The following IFT122 variants were observed in gnomAD, a reference collection of about 807,000 sequenced individuals.
IFT122 encodes the protein intraflagellar transport 122.
A neutral mutation model predicts 161.6 loss-of-function variants in IFT122; 118 were observed. That is an observed-to-expected ratio of 0.73 (90% CI 0.63 to 0.85). The LOEUF is 0.85. Ranked by LOEUF, IFT122 falls within the 40% of genes least tolerant of loss-of-function variation. The pLI is 0.00. For missense variants in IFT122, 1,381 were observed against 1,579.6 expected (o/e 0.87, Z 2.13); for synonymous variants, 550 against 602.4 (o/e 0.91, Z 1.27).
At position 129,512,448 on chromosome 3, in the gene IFT122, C is replaced by T. The variant is rs374500310; in HGVS notation, c.2987+36C>T. 43 of 1,403,370 alleles carry T rather than the reference C, an allele frequency of 3.1e-5. No homozygotes were observed. In the South Asian group the frequency reaches 4.0e-4, roughly 13 times the overall value. The allele number at this position is 1,403,370 out of a possible 1,614,324, so 86.9% of individuals were successfully genotyped here. On this transcript the variant is annotated intron_variant, in intron 24 of 29. Coordinates refer to ENST00000348417, the MANE Select transcript of IFT122 (RefSeq NM_052989.3). ...TCTTATCCCTCCTCCGTCCCACCAC[C>T]GTTCTTGTCTAATGGCCCCAAGAAA...
At chr3:129,454,150 G>T (rs988355866) in intron 3 of IFT122, among the ~76,000 whole-genome samples, 4 of 152,160 alleles carry the variant, frequency 2.6e-5, no homozygotes, top group Non-Finnish European at 4.4e-5. Context: ...AATTCTTCAT[G>T]TGTATGCAGA....
At chr3:129,517,961 CT>C (rs2084206460) in intron 27 of IFT122, among the ~76,000 whole-genome samples, 1 of 152,230 alleles carries the variant, frequency 6.6e-6, no homozygotes, top group East Asian at 1.9e-4. Context: ...ACTCAAGTCA[CT>C]TTCGCATGCA....
chr3:129,510,498 C>T (rs1287379326), intron 23 of IFT122, among the ~76,000 whole-genome samples: 15 of 152,168 alleles, frequency 9.9e-5, no homozygotes, highest in Non-Finnish European at 8.8e-5. Flanking sequence ...CAGGTGCTCA[C>T]CTGGAGAGAA....
At chr3:129,471,843 G>A (rs2077400025) in intron 9 of IFT122, among the ~76,000 whole-genome samples, 1 of 152,170 alleles carries the variant, frequency 6.6e-6, no homozygotes, top group Admixed American at 6.5e-5. Flanking sequence ...TAATACTTAA[G>A]GGGATCTGGC....
At chr3:129,443,081 G>T (rs188865459) in intron 1 of IFT122, among the ~76,000 whole-genome samples, 2 of 152,282 alleles carry the variant, frequency 1.3e-5, no homozygotes, top group Admixed American at 1.3e-4. Flanking sequence ...CTTGCTATAG[G>T]CCACATGTCC....
At chr3:129,479,245 C>G (rs1340604261) in intron 12 of IFT122, among the ~76,000 whole-genome samples, 1 of 144,938 alleles carries the variant, frequency 6.9e-6, no homozygotes, top group Middle Eastern at 3.2e-3. Flanking sequence ...AACAGAGACC[C>G]CATCTCCACC....
intron 3 of IFT122, 167 bp downstream of exon 3, chr3:129,452,165 T>A: frequency 1.6e-6 from 1 of 630,606 alleles, no homozygotes; most frequent in African/African-American, 1.8e-5. Context: ...TAGCAAGTAT[T>A]TATTGAGGTC....
intron 5 of IFT122, chr3:129,461,644 C>A: frequency 2.5e-6 from 1 of 407,240 alleles, no homozygotes; most frequent in South Asian, 2.1e-5. Context: ...CCTGACTCAC[C>A]CTGGCAGAGA....
Position 129,451,909 on chromosome 3 carries a change from G to A in IFT122, c.109-5G>A, listed in dbSNP as rs1372209296. The stretch of plus-strand genomic sequence containing the variant: ...TAGATAATCTGTATTTGTCTCTTTT[G>A]CCAGGTTTATGACACCTCTGATGGC... On this transcript the variant is annotated splice_region_variant and splice_polypyrimidine_tract_variant and intron_variant, in intron 2 of 29. Coordinates refer to ENST00000348417, the MANE Select transcript of IFT122 (RefSeq NM_052989.3). 1.2e-6 allele frequency: 2 copies of A among 1,611,528 alleles called. No homozygotes were observed. The highest frequency in any genetic ancestry group is 1.3e-5 in the African/African-American group (1 of 74,954).
At chr3:129,483,239 T>A (rs1481710766) in intron 14 of IFT122, among the ~76,000 whole-genome samples, 1 of 152,222 alleles carries the variant, frequency 6.6e-6, no homozygotes, top group African/African-American at 2.4e-5. Flanking sequence ...GAATAATTTT[T>A]TTTCAAAAGT....
intron 22 of IFT122, 58 bp from the exon 23 acceptor site, chr3:129,507,610 G>C (rs868539418): frequency 7.2e-7 from 1 of 1,385,398 alleles, no homozygotes. Context: ...CCTGGGGCCA[G>C]TTGGCAGCCA....
chr3:129,504,125 T>G, intron 20 of IFT122, 194 bp from the exon 21 acceptor site: 4 of 571,964 alleles, frequency 7.0e-6, no homozygotes, highest in Non-Finnish European at 3.2e-6. Flanking sequence ...CATATTGCTG[T>G]TAATTGCCTT....
rs1413221093 is a variant in IFT122 at position 129,502,748 on chromosome 3, C to T, written c.2413C>T (p.Arg805Cys). Residue 805 changes from arginine (R) to cysteine (C), a missense_variant, in exon 20 of 30, where the codon CGC becomes TGC. Arg to Cys is a radical substitution (Grantham distance 180). Around this residue, in one of 7 missense-constraint regions of IFT122, gnomAD observed 496 missense variants for 502.5 expected, o/e 0.99. Transcript: ENST00000348417. ...DIARKLDKAE[R>C]EPLLLCATYL... The stretch of plus-strand genomic sequence containing the variant: ...CGCCCGCAAACTGGACAAGGCTGAG[C>T]GCGAGCCCCTGCTGCTGTGCGCTAC... The T allele has an allele frequency of 8.1e-6, 13 of 1,611,038 alleles. No homozygotes were observed. Among genetic ancestry groups the T allele is most frequent in the African/African-American group, 5.3e-5 (4 of 75,066 alleles).
intron 3 of IFT122, among the ~76,000 whole-genome samples, chr3:129,452,999 T>C (rs1413198228): frequency 6.7e-6 from 1 of 148,898 alleles, no homozygotes; most frequent in Non-Finnish European, 1.5e-5. Context: ...ACCTGAGGAC[T>C]GAAAGGTTGG....
At position 129,469,913 on chromosome 3, in the gene IFT122, A is replaced by G. The variant is rs75653847; in HGVS notation, c.816+496A>G. 3.6e-3 allele frequency among the ~76,000 whole-genome samples: 547 copies of G among 152,326 alleles called. 2 individuals carry two copies. Among genetic ancestry groups the G allele is most frequent in the African/African-American group, 0.012 (494 of 41,572 alleles). On this transcript the variant is annotated intron_variant, in intron 9 of 29. Coordinates refer to ENST00000348417, the MANE Select transcript of IFT122 (RefSeq NM_052989.3). ...TCACAGGCTGGCGGAGACACACTTG[A>G]TAGCAAAGAGCCCCTGTGTGGTGTG...
intron 24 of IFT122, 107 bp from the exon 25 acceptor site, chr3:129,514,282 G>A (rs887992252): frequency 1.8e-5 from 23 of 1,275,452 alleles, no homozygotes; most frequent in Middle Eastern, 1.8e-4. Flanking sequence ...CTGCCTTCCC[G>A]GCACCAGCAC....
intron 2 of IFT122, among the ~76,000 whole-genome samples, chr3:129,451,095 C>G (rs989034747): frequency 1.3e-5 from 2 of 151,730 alleles, no homozygotes; most frequent in Non-Finnish European, 2.9e-5. Flanking sequence ...CATATTACAG[C>G]TGGGTTTTAT....
At chr3:129,499,125 T>G (rs68155216) in intron 18 of IFT122, among the ~76,000 whole-genome samples, 1 of 151,910 alleles carries the variant, frequency 6.6e-6, no homozygotes, top group Non-Finnish European at 1.5e-5. Context: ...TGCCTCAGAT[T>G]CCCCCATGGC....
chr3:129,442,516 A>G (rs948705202), intron 1 of IFT122, among the ~76,000 whole-genome samples: 3 of 152,002 alleles, frequency 2.0e-5, no homozygotes, highest in Admixed American at 6.6e-5. Context: ...TAGACCATCA[A>G]TCCTGATGGC....
Sources: allele counts gnomAD v4.1 joint callset (sites outside exome capture counted in the v4.1 genomes callset), GRCh38; gene constraint gnomAD v4.1.1; regional missense constraint gnomAD v4.1.1; transcripts MANE v1.5; gene names NCBI Gene and HGNC (gene_info 2026-07-23, HGNC 2026-07-21).